The following NELL1 variants were observed in gnomAD, a reference collection of about 807,000 sequenced individuals.
NELL1 encodes the protein protein kinase C-binding protein NELL1.
Under a neutral mutation model 107.4 loss-of-function variants are expected in NELL1, and 76 were observed. That is an observed-to-expected ratio of 0.71 (90% confidence interval 0.59 to 0.86). NELL1 has a LOEUF of 0.86. Ranked by LOEUF, NELL1 falls within the 40% of genes least tolerant of loss-of-function variation. The pLI, the probability that NELL1 is intolerant of heterozygous loss-of-function variation, is 0.00. For missense variants in NELL1, 1,024 were observed against 1,005.5 expected (o/e 1.02, Z -0.25); for synonymous variants, 353 against 341.2 (o/e 1.03, Z -0.38).
intron 13 of NELL1, among the ~76,000 whole-genome samples, chr11:21,208,766 A>G (rs1028152946): frequency 3.9e-5 from 6 of 152,162 alleles, no homozygotes; most frequent in Non-Finnish European, 4.4e-5. Context: ...AAAGTGGTCC[A>G]AGCTGAAGTA....
At chr11:20,845,810 A>C (rs1321048629) in intron 3 of NELL1, among the ~76,000 whole-genome samples, 2 of 151,778 alleles carry the variant, frequency 1.3e-5, no homozygotes, top group Non-Finnish European at 2.9e-5. Flanking sequence ...GTGGGGAGGG[A>C]CATATTTTAC....
At chr11:20,997,860 T>C (rs1475013362) in intron 12 of NELL1, among the ~76,000 whole-genome samples, 1 of 151,966 alleles carries the variant, frequency 6.6e-6, no homozygotes, top group Non-Finnish European at 1.5e-5. Flanking sequence ...TAGTCTTAGC[T>C]GCTCAGCAGG....
At chr11:21,063,796 C>A (rs77532376) in intron 12 of NELL1, among the ~76,000 whole-genome samples, 3 of 152,182 alleles carry the variant, frequency 2.0e-5, no homozygotes. Context: ...TGTTCTTGAA[C>A]CTTACATTCC....
At chr11:20,877,101 A>G (rs1590371924) in intron 4 of NELL1, among the ~76,000 whole-genome samples, 1 of 152,316 alleles carries the variant, frequency 6.6e-6, no homozygotes, top group East Asian at 1.9e-4. Flanking sequence ...GGGCAGGGAA[A>G]AATGGATGGG....
chr11:21,070,186 G>A (rs1329231940), intron 12 of NELL1, among the ~76,000 whole-genome samples: 2 of 151,914 alleles, frequency 1.3e-5, no homozygotes, highest in African/African-American at 4.8e-5. Context: ...TCAATGTGGA[G>A]CCTTGTACTA....
intron 14 of NELL1, among the ~76,000 whole-genome samples, chr11:21,326,388 TTAAAC>T (rs1261627353): frequency 6.6e-6 from 1 of 152,018 alleles, no homozygotes; most frequent in Non-Finnish European, 1.5e-5. Flanking sequence ...TTGTTCATGT[TTAAAC>T]TAAAATATTT....
intron 14 of NELL1, among the ~76,000 whole-genome samples, chr11:21,326,174 T>G (rs1850137598): frequency 6.6e-6 from 1 of 151,008 alleles, no homozygotes; most frequent in Admixed American, 6.6e-5. Flanking sequence ...TTTTTCTATT[T>G]GTTCCACTTA....
intron 4 of NELL1, among the ~76,000 whole-genome samples, chr11:20,881,949 A>G (rs1451666939): frequency 6.6e-6 from 1 of 152,206 alleles, no homozygotes; most frequent in African/African-American, 2.4e-5. Flanking sequence ...AGTACCCTAT[A>G]TATCAGAAAG....
chr11:21,275,455 G>A (rs950563337), intron 14 of NELL1, among the ~76,000 whole-genome samples: 117 of 152,202 alleles, frequency 7.7e-4, no homozygotes, highest in Admixed American at 3.7e-3. Flanking sequence ...ATTCACAGCC[G>A]AATTCTACCA....
At chr11:21,469,167 T>C (rs1183582001) in intron 15 of NELL1, among the ~76,000 whole-genome samples, 1 of 152,032 alleles carries the variant, frequency 6.6e-6, no homozygotes, top group African/African-American at 2.4e-5. Flanking sequence ...CCTGCCTACT[T>C]TCTATGAAAA....
chr11:20,853,099 A>G (rs1280491022), intron 4 of NELL1, among the ~76,000 whole-genome samples: 1 of 152,196 alleles, frequency 6.6e-6, no homozygotes, highest in Non-Finnish European at 1.5e-5. Context: ...CTGATTCTGT[A>G]CCAGTCACAT....
intron 14 of NELL1, among the ~76,000 whole-genome samples, chr11:21,346,602 G>A (rs1172146321): frequency 6.8e-6 from 1 of 147,106 alleles, no homozygotes; most frequent in African/African-American, 2.5e-5. Context: ...TATAATGTAT[G>A]ATATTTGATA....
At chr11:21,356,351 G>A (rs1850932887) in intron 14 of NELL1, among the ~76,000 whole-genome samples, 1 of 151,974 alleles carries the variant, frequency 6.6e-6, no homozygotes, top group African/African-American at 2.4e-5. Flanking sequence ...TTTCACCTTT[G>A]ACACTGTTGA....
intron 5 of NELL1, among the ~76,000 whole-genome samples, chr11:20,909,325 TA>T (rs1049309060): frequency 6.6e-6 from 1 of 152,232 alleles, no homozygotes; most frequent in South Asian, 2.1e-4. Context: ...TGGAAAATTT[TA>T]AAAAAACAAA....
intron 15 of NELL1, among the ~76,000 whole-genome samples, chr11:21,451,547 T>A (rs1028795687): frequency 6.6e-6 from 1 of 152,176 alleles, no homozygotes; most frequent in Admixed American, 6.5e-5. Context: ...AAATAATTAA[T>A]TTCATAATTT....
intron 16 of NELL1, among the ~76,000 whole-genome samples, chr11:21,541,257 TATA>T (rs767253885): frequency 2.6e-4 from 39 of 152,136 alleles, no homozygotes; most frequent in Non-Finnish European, 1.5e-5. Flanking sequence ...TTATCTGCTT[TATA>T]GCACTTAGTT....
chr11:21,237,380 A>T (rs1590760897), intron 14 of NELL1, among the ~76,000 whole-genome samples: 1 of 152,232 alleles, frequency 6.6e-6, no homozygotes, highest in East Asian at 1.9e-4. Flanking sequence ...CTCTTTACAA[A>T]AGGACTCTAA....
rs528283861 is a variant in NELL1 at position 20,720,359 on chromosome 11, C to T, written c.184+42299C>T. Among the ~76,000 whole-genome samples the T allele has an allele frequency of 5.3e-5, 8 of 152,196 alleles. No homozygotes were observed. The South Asian group carries it at 1.7e-3, about 32-fold the overall frequency. ...AGTAGCTGGGACTACAGGCGTGCGC[C>T]ACCATACACGTTTAATTTTTTGTAT... On this transcript the variant is annotated intron_variant, in intron 2 of 19. Coordinates refer to ENST00000357134, the MANE Select transcript of NELL1 (RefSeq NM_006157.5).
chr11:21,230,692 T>A (rs979266272), intron 14 of NELL1, among the ~76,000 whole-genome samples: 6 of 152,170 alleles, frequency 3.9e-5, no homozygotes, highest in Non-Finnish European at 7.4e-5. Flanking sequence ...AACGACTAAG[T>A]CACTATATTT....
Sources: allele counts gnomAD v4.1 joint callset (sites outside exome capture counted in the v4.1 genomes callset), GRCh38; gene constraint gnomAD v4.1.1; transcripts MANE v1.5; gene names NCBI Gene and HGNC (gene_info 2026-07-23, HGNC 2026-07-21).